Variants in MPPED2 observed in about 807,000 individuals in gnomAD.
The protein encoded by MPPED2 is metallophosphoesterase domain containing 2.
In MPPED2, 5 loss-of-function variants were observed where a neutral mutation model predicts 33.0. That is an observed-to-expected ratio of 0.15 (90% CI 0.08 to 0.32). The LOEUF (loss-of-function observed/expected upper bound fraction) is 0.32, where lower values mean the gene tolerates loss of function less well. MPPED2 is among the 10% of genes least tolerant of loss of function. MPPED2 has a pLI of 1.00. For missense variants in MPPED2, 275 were observed against 372.1 expected (o/e 0.74, Z 2.15); for synonymous variants, 136 against 141.9 (o/e 0.96, Z 0.29).
chr11:30,523,839 A>G (rs1954009537), intron 3 of MPPED2, among the ~76,000 whole-genome samples: 1 of 152,154 alleles, frequency 6.6e-6, no homozygotes, highest in African/African-American at 2.4e-5. Context: ...GAGGTAAAAT[A>G]AGAAGACCTC....
intron 3 of MPPED2, among the ~76,000 whole-genome samples, chr11:30,517,956 G>A (rs917049109): frequency 3.3e-5 from 5 of 152,086 alleles, no homozygotes; most frequent in East Asian, 1.9e-4. Flanking sequence ...TGGTAAAAAC[G>A]AGGAACTCAC....
intron 6 of MPPED2, among the ~76,000 whole-genome samples, chr11:30,398,717 A>G (rs1373760670): frequency 6.6e-6 from 1 of 152,176 alleles, no homozygotes; most frequent in Non-Finnish European, 1.5e-5. Flanking sequence ...GCCAAGAGAA[A>G]GCTTTTAAAC....
chr11:30,418,533 T>C (rs1948474080), intron 4 of MPPED2, among the ~76,000 whole-genome samples: 1 of 152,226 alleles, frequency 6.6e-6, no homozygotes, highest in Non-Finnish European at 1.5e-5. Flanking sequence ...GTTCCCAGTG[T>C]TATCCTATTC....
At chr11:30,516,264 C>T (rs903941468) in intron 3 of MPPED2, among the ~76,000 whole-genome samples, 1 of 152,134 alleles carries the variant, frequency 6.6e-6, no homozygotes, top group Non-Finnish European at 1.5e-5. Flanking sequence ...AAGGAAAAAA[C>T]AGTGTGCATT....
chr11:30,452,488 A>G (rs1476588575), intron 4 of MPPED2, among the ~76,000 whole-genome samples: 1 of 152,106 alleles, frequency 6.6e-6, no homozygotes, highest in East Asian at 1.9e-4. Flanking sequence ...GCCTCACTAC[A>G]TCAGTATTTC....
intron 4 of MPPED2, among the ~76,000 whole-genome samples, chr11:30,490,751 C>T (rs1191075538): frequency 6.6e-6 from 1 of 152,180 alleles, no homozygotes; most frequent in African/African-American, 2.4e-5. Flanking sequence ...TTAGAAAACA[C>T]TACTTTAATT....
chr11:30,414,721 G>A (rs115710263), intron 5 of MPPED2, among the ~76,000 whole-genome samples: 101 of 152,056 alleles, frequency 6.6e-4, no homozygotes, highest in African/African-American at 2.3e-3. Context: ...CTTTCTTATA[G>A]CAGTTTACTT....
At chr11:30,404,460 A>G (rs1947957628) in intron 6 of MPPED2, among the ~76,000 whole-genome samples, 1 of 152,238 alleles carries the variant, frequency 6.6e-6, no homozygotes, top group East Asian at 1.9e-4. Flanking sequence ...CACACTTGGA[A>G]TTGCCACTGG....
At chr11:30,484,812 T>C (rs1162442957) in intron 4 of MPPED2, among the ~76,000 whole-genome samples, 1 of 152,170 alleles carries the variant, frequency 6.6e-6, no homozygotes, top group Non-Finnish European at 1.5e-5. Flanking sequence ...GCAAAGAAAC[T>C]GTACAATATT....
intron 2 of MPPED2, among the ~76,000 whole-genome samples, chr11:30,562,057 A>T (rs1410971260): frequency 6.6e-6 from 1 of 152,126 alleles, no homozygotes; most frequent in Non-Finnish European, 1.5e-5. Context: ...TTTCATCTTC[A>T]TGTCTCCAAA....
chr11:30,397,004 T>C (rs944916972), intron 6 of MPPED2, among the ~76,000 whole-genome samples: 1 of 152,188 alleles, frequency 6.6e-6, no homozygotes, highest in Non-Finnish European at 1.5e-5. Context: ...GTTAGGTATA[T>C]TGTTATTGTC....
chr11:30,497,581 G>T lies in MPPED2; in HGVS notation c.311-2060C>A, dbSNP rs772291581. Among the ~76,000 whole-genome samples, 83 of 152,182 alleles carry T rather than the reference G, an allele frequency of 5.5e-4. 1 individual carries two copies. The highest frequency in any genetic ancestry group is 2.4e-4 in the Non-Finnish European group (16 of 68,024). On this transcript the variant is annotated intron_variant, in intron 3 of 6. Transcript: ENST00000358117. ...CCTTTCATTATGTGCCACCGCTCTTGCAGGAAGCCTGGGTTTCTCAATTTA... is the reference window on the plus strand; with the variant it reads ...CCTTTCATTATGTGCCACCGCTCTTTCAGGAAGCCTGGGTTTCTCAATTTA...
chr11:30,478,237 A>C (rs977442080), intron 4 of MPPED2, among the ~76,000 whole-genome samples: 7 of 152,108 alleles, frequency 4.6e-5, no homozygotes, highest in African/African-American at 1.7e-4. Flanking sequence ...CAGGAGACTT[A>C]GTTTGTTAGG....
chr11:30,497,063 T>C (rs1355422411), intron 3 of MPPED2, among the ~76,000 whole-genome samples: 3 of 152,198 alleles, frequency 2.0e-5, no homozygotes, highest in Admixed American at 6.5e-5. Context: ...CTTTGACTAC[T>C]AGCCCACAGT....
At chr11:30,583,845 T>A (rs1303792044) in intron 1 of MPPED2, among the ~76,000 whole-genome samples, 1 of 152,160 alleles carries the variant, frequency 6.6e-6, no homozygotes, top group Non-Finnish European at 1.5e-5. Flanking sequence ...TTTAATCACT[T>A]GCCCCAAGAT....
At chr11:30,494,606 C>A (rs1181472146) in intron 4 of MPPED2, among the ~76,000 whole-genome samples, 2 of 151,772 alleles carry the variant, frequency 1.3e-5, no homozygotes, top group African/African-American at 2.4e-5. Context: ...GGTACAGTGG[C>A]ATGTGCCTGT....
chr11:30,401,880 G>A (rs894582038), intron 6 of MPPED2, among the ~76,000 whole-genome samples: 6 of 144,416 alleles, frequency 4.2e-5, no homozygotes, highest in African/African-American at 1.5e-4. Context: ...TTTTCTTTTA[G>A]TAGAGACAGG....
chr11:30,518,679 T>A (rs1340693535), intron 3 of MPPED2, among the ~76,000 whole-genome samples: 1 of 152,130 alleles, frequency 6.6e-6, no homozygotes, highest in Non-Finnish European at 1.5e-5. Flanking sequence ...GGTTCCTACG[T>A]TAGCTGACTT....
intron 4 of MPPED2, among the ~76,000 whole-genome samples, chr11:30,457,258 G>C (rs1464059702): frequency 6.6e-6 from 1 of 151,944 alleles, no homozygotes; most frequent in Non-Finnish European, 1.5e-5. Flanking sequence ...TCCTGCCCTG[G>C]TCTGTGACAG....
Sources: allele counts gnomAD v4.1 joint callset (sites outside exome capture counted in the v4.1 genomes callset), GRCh38; gene constraint gnomAD v4.1.1; transcripts MANE v1.5; gene names NCBI Gene and HGNC (gene_info 2026-07-23, HGNC 2026-07-21).